The following GPC5 variants were observed in gnomAD, a reference collection of about 807,000 sequenced individuals.
GPC5 encodes the protein glypican 5, also known as glypican-5.
A neutral mutation model predicts 53.9 loss-of-function variants in GPC5; 47 were observed. The ratio of observed to expected loss-of-function variants is 0.87; its 90% confidence interval spans 0.69 to 1.11. GPC5 has a LOEUF of 1.11. GPC5 is among the 50% of genes most tolerant of loss of function. The pLI is 0.00. For missense variants in GPC5, 748 were observed against 713.1 expected (o/e 1.05, Z -0.56); for synonymous variants, 286 against 263.3 (o/e 1.09, Z -0.84).
chr13:92,679,451 A>G (rs965315926), intron 7 of GPC5, among the ~76,000 whole-genome samples: 2 of 152,232 alleles, frequency 1.3e-5, no homozygotes, highest in African/African-American at 4.8e-5. Flanking sequence ...TCACAGAAGT[A>G]TCCTTCCCTG....
chr13:91,897,423 A>G (rs2039454710), intron 5 of GPC5, among the ~76,000 whole-genome samples: 1 of 151,622 alleles, frequency 6.6e-6, no homozygotes, highest in African/African-American at 2.4e-5. Flanking sequence ...CCTTATGTTA[A>G]TAATATGCCT....
At chr13:91,759,742 G>A (rs958052667) in intron 5 of GPC5, among the ~76,000 whole-genome samples, 1 of 151,742 alleles carries the variant, frequency 6.6e-6, no homozygotes, top group Admixed American at 6.6e-5. Context: ...ATGGTAAAAT[G>A]TAAGTATCCA....
chr13:92,658,310 CATT>C (rs1255958369), intron 7 of GPC5, among the ~76,000 whole-genome samples: 1 of 152,268 alleles, frequency 6.6e-6, no homozygotes, highest in Non-Finnish European at 1.5e-5. Context: ...ATTTATCAAT[CATT>C]ATGAAGCGCA....
intron 5 of GPC5, among the ~76,000 whole-genome samples, chr13:91,768,829 CA>C (rs1417737633): frequency 1.7e-4 from 26 of 152,142 alleles, no homozygotes; most frequent in Non-Finnish European, 3.1e-4. Context: ...GAGTCATTGC[CA>C]TTTAATATGA....
At chr13:91,428,950 C>T (rs1879245237) in intron 1 of GPC5, among the ~76,000 whole-genome samples, 1 of 152,076 alleles carries the variant, frequency 6.6e-6, no homozygotes, top group Non-Finnish European at 1.5e-5. Context: ...GAGAGAGTCT[C>T]ACTCTGTTGC....
At chr13:92,809,209 C>A (rs1877206888) in intron 7 of GPC5, among the ~76,000 whole-genome samples, 1 of 152,114 alleles carries the variant, frequency 6.6e-6, no homozygotes, top group South Asian at 2.1e-4. Context: ...GGTCACACAG[C>A]ATAACTGGTA....
At chr13:91,431,802 A>G (rs970920044) in intron 1 of GPC5, among the ~76,000 whole-genome samples, 1 of 152,212 alleles carries the variant, frequency 6.6e-6, no homozygotes, top group African/African-American at 2.4e-5. Flanking sequence ...TGCCAAAGGA[A>G]GTATCTGTTG....
chr13:91,449,470 G>A (rs1853583), intron 2 of GPC5, among the ~76,000 whole-genome samples: 78,418 of 151,774 alleles, frequency 0.52, 20,600 homozygotes, highest in East Asian at 0.71. Context: ...TAGGTTTTGA[G>A]CCCTGCATGC....
intron 7 of GPC5, among the ~76,000 whole-genome samples, chr13:92,523,251 C>G (rs190874789): frequency 7.2e-5 from 11 of 152,178 alleles, no homozygotes. Flanking sequence ...ATAAGTAACA[C>G]CTTTTTTAAA....
At chr13:91,710,819 A>T (rs1214046438) in intron 3 of GPC5, among the ~76,000 whole-genome samples, 1 of 152,144 alleles carries the variant, frequency 6.6e-6, no homozygotes, top group Admixed American at 6.5e-5. Context: ...TAGTTCACTC[A>T]TGTTCATTTA....
intron 7 of GPC5, among the ~76,000 whole-genome samples, chr13:92,326,675 G>T (rs1295999256): frequency 6.6e-6 from 1 of 152,010 alleles, no homozygotes; most frequent in East Asian, 1.9e-4. Context: ...GTTCTTCAAA[G>T]AACAAATGAA....
chr13:92,180,318 C>A (rs1593967709), intron 7 of GPC5, among the ~76,000 whole-genome samples: 1 of 152,230 alleles, frequency 6.6e-6, no homozygotes, highest in African/African-American at 2.4e-5. Flanking sequence ...TTTAAAGCTG[C>A]ATTTTAACAA....
At chr13:91,764,226 A>G (rs1055801520) in intron 5 of GPC5, among the ~76,000 whole-genome samples, 6 of 152,150 alleles carry the variant, frequency 3.9e-5, no homozygotes, top group Non-Finnish European at 2.9e-5. Flanking sequence ...TTAGGGAAAT[A>G]TTAATCATTC....
At chr13:91,410,155 C>G (rs1201523935) in intron 1 of GPC5, among the ~76,000 whole-genome samples, 1 of 152,080 alleles carries the variant, frequency 6.6e-6, no homozygotes, top group African/African-American at 2.4e-5. Flanking sequence ...ACAGGCTTGT[C>G]CCTTTTCCCT....
intron 2 of GPC5, among the ~76,000 whole-genome samples, chr13:91,685,409 G>A (rs1344941740): frequency 6.6e-6 from 1 of 152,156 alleles, no homozygotes; most frequent in Non-Finnish European, 1.5e-5. Context: ...TTTATAGTTT[G>A]GATGTATTTG....
chr13:91,656,694 G>T (rs913106115), intron 2 of GPC5, among the ~76,000 whole-genome samples: 1 of 152,058 alleles, frequency 6.6e-6, no homozygotes, highest in Non-Finnish European at 1.5e-5. Flanking sequence ...TTTCATCCAC[G>T]ACCAATCCAC....
chr13:91,801,934 A>G (rs997480662), intron 5 of GPC5, among the ~76,000 whole-genome samples: 2 of 152,166 alleles, frequency 1.3e-5, no homozygotes, highest in African/African-American at 4.8e-5. Context: ...AAATAAGAAG[A>G]TTATCTTCTT....
intron 2 of GPC5, among the ~76,000 whole-genome samples, chr13:91,451,016 G>A (rs1881138389): frequency 6.6e-6 from 1 of 152,110 alleles, no homozygotes; most frequent in African/African-American, 2.4e-5. Flanking sequence ...CCATAAGTGA[G>A]CAGGCTACCT....
At chr13:91,906,878 C>T (rs1197359257) in intron 5 of GPC5, among the ~76,000 whole-genome samples, 12 of 151,682 alleles carry the variant, frequency 7.9e-5, no homozygotes, top group African/African-American at 9.7e-5. Context: ...GGATTGTTTC[C>T]TCTACTTAGA....
Sources: gnomAD v4.1 joint callset for allele counts (sites outside exome capture counted in the v4.1 genomes callset) on GRCh38, gnomAD v4.1.1 for gene constraint, MANE v1.5 for transcripts, NCBI Gene and HGNC (gene_info 2026-07-23, HGNC 2026-07-21) for gene names.